The following EVL variants were observed in gnomAD, a reference collection of about 807,000 sequenced individuals.
EVL encodes the protein Enah/Vasp-like.
A neutral mutation model predicts 59.6 loss-of-function variants in EVL; 21 were observed. The observed-to-expected ratio is 0.35, with a 90% CI of 0.25 to 0.51. The LOEUF (loss-of-function observed/expected upper bound fraction) is 0.51. Among genes scored for constraint, EVL ranks in the 20% least tolerant of loss-of-function variants. The pLI is 0.97. For missense variants in EVL, 462 were observed against 546.6 expected (o/e 0.85, Z 1.54); for synonymous variants, 198 against 203.5 (o/e 0.97, Z 0.23).
chr14:100,052,130 T>C (rs757791806), intron 1 of EVL, among the ~76,000 whole-genome samples: 6 of 152,218 alleles, frequency 3.9e-5, no homozygotes, highest in Non-Finnish European at 8.8e-5. Context: ...ACCTATCTGG[T>C]AGTTGGTTTT....
chr14:100,110,947 G>A (rs1008189195), intron 3 of EVL, among the ~76,000 whole-genome samples: 5 of 152,066 alleles, frequency 3.3e-5, no homozygotes, highest in African/African-American at 7.2e-5. Flanking sequence ...CCTTCCTGAC[G>A]CCTCCTGGTA....
intron 1 of EVL, among the ~76,000 whole-genome samples, chr14:100,031,355 T>C (rs2061312227): frequency 6.6e-6 from 1 of 152,232 alleles, no homozygotes; most frequent in Non-Finnish European, 1.5e-5. Context: ...GTTCTAATGA[T>C]GCTGCGTTAG....
chr14:100,098,881 GA>G lies in EVL; in HGVS notation c.358+1225del, dbSNP rs201674878. 4.6e-3 allele frequency among the ~76,000 whole-genome samples: 705 copies of G among 152,084 alleles called. 2 individuals carry two copies. The highest frequency in any genetic ancestry group is 0.016 in the African/African-American group (669 of 41,502). The stretch of plus-strand genomic sequence containing the variant: ...TATAGAGTTGTTTTTACATTTAAAT[GA>G]ACTAGAATGTAAAATGTTTCTCAGG... On this transcript the variant is annotated intron_variant, in intron 3 of 13. Transcript: ENST00000392920.
chr14:100,115,045 CAA>C (rs35310865), intron 3 of EVL, among the ~76,000 whole-genome samples: 6 of 148,872 alleles, frequency 4.0e-5, no homozygotes, highest in South Asian at 2.1e-4. Context: ...AGATTAGTCA[CAA>C]AAAAAAAAAC....
At chr14:100,032,910 CTCTT>C (rs1381322789) in intron 1 of EVL, among the ~76,000 whole-genome samples, 1 of 152,128 alleles carries the variant, frequency 6.6e-6, no homozygotes, top group African/African-American at 2.4e-5. Context: ...CTTCTCAGCA[CTCTT>C]TGTTTATTCA....
intron 3 of EVL, among the ~76,000 whole-genome samples, chr14:100,118,439 T>C (rs73349550): frequency 0.02 from 3,102 of 152,328 alleles, 110 homozygotes; most frequent in African/African-American, 0.065. Flanking sequence ...ACAAGGACCA[T>C]GTATAAGCTC....
intron 3 of EVL, chr14:100,107,002 C>T: frequency 2.5e-6 from 1 of 398,722 alleles, no homozygotes. Context: ...TGGAGCCGGG[C>T]TACGTTGGGT....
At chr14:99,979,875 TAAATAAATAA>T (rs932997178) in intron 1 of EVL, among the ~76,000 whole-genome samples, 1 of 152,132 alleles carries the variant, frequency 6.6e-6, no homozygotes, top group Non-Finnish European at 1.5e-5. Context: ...GTCTCAAAAA[TAAATAAATAA>T]AAATAAATAA....
chr14:100,066,139 G>A (rs1369983740), intron 1 of EVL, among the ~76,000 whole-genome samples: 1 of 152,178 alleles, frequency 6.6e-6, no homozygotes, highest in Non-Finnish European at 1.5e-5. Flanking sequence ...AAAGATTATA[G>A]ATGATAGGAC....
Position 99,973,682 on chromosome 14 carries a change from C to T in EVL, c.5+1625C>T, listed in dbSNP as rs542874087. 2.8e-4 allele frequency among the ~76,000 whole-genome samples: 42 copies of T among 152,276 alleles called. 1 individual carries two copies. Among genetic ancestry groups the T allele is most frequent in the African/African-American group, 9.9e-4 (41 of 41,568 alleles). On this transcript the variant is annotated intron_variant, in intron 1 of 13. Coordinates refer to the EVL transcript ENST00000402714. ...TTCACCATGTTGGCCAGGCGGGTCT[C>T]GAACTCCTGACCTCAGGTGATCAAC...
At chr14:100,068,775 A>T (rs1030867216) in intron 1 of EVL, among the ~76,000 whole-genome samples, 1 of 152,054 alleles carries the variant, frequency 6.6e-6, no homozygotes, top group Non-Finnish European at 1.5e-5. Context: ...TGCTAGCTGG[A>T]AGAATCTGTA....
chr14:100,119,061 T>C (rs1023399841), intron 3 of EVL, among the ~76,000 whole-genome samples: 2 of 152,230 alleles, frequency 1.3e-5, no homozygotes, highest in Admixed American at 1.3e-4. Flanking sequence ...CCCGTCCTGC[T>C]ACCAGTGGTG....
chr14:100,007,823 GAGAA>G (rs1018860470), intron 1 of EVL, among the ~76,000 whole-genome samples: 2 of 152,162 alleles, frequency 1.3e-5, no homozygotes, highest in Non-Finnish European at 2.9e-5. Context: ...GAGAGAGAAA[GAGAA>G]AGAAAGAAAA....
chr14:100,119,509 G>A (rs1007077213), intron 3 of EVL, among the ~76,000 whole-genome samples: 1 of 152,210 alleles, frequency 6.6e-6, no homozygotes, highest in Non-Finnish European at 1.5e-5. Flanking sequence ...GTGAGTGCAC[G>A]CAGCCTGTGG....
At chr14:100,140,913 T>C (rs1889126981) in intron 11 of EVL, 1 of 428,526 alleles carries the variant, frequency 2.3e-6, no homozygotes, top group South Asian at 3.7e-5. Flanking sequence ...ATAAGAGCTC[T>C]CTGATCAGAA....
Position 100,143,961 on chromosome 14 carries a change from C to CT in EVL, c.*229dup. ...GACACGGAACACCAGGTCTGCTCGT[C>CT]TTTTTTGTGTTTTATATTTGCTTAT... On this transcript the variant is annotated 3_prime_UTR_variant, in exon 14 of 14. Transcript: ENST00000392920. 1 of 549,666 alleles carries CT rather than the reference C, an allele frequency of 1.8e-6. No homozygotes were observed. The highest frequency in any genetic ancestry group is 2.8e-4 in the Middle Eastern group (1 of 3,584). 34.0% of individuals were successfully genotyped at this position (549,666 alleles called of 1,614,324 possible).
chr14:100,012,490 G>A (rs1388554081), intron 1 of EVL, among the ~76,000 whole-genome samples: 1 of 152,170 alleles, frequency 6.6e-6, no homozygotes, highest in Non-Finnish European at 1.5e-5. Flanking sequence ...GGTGACACTG[G>A]AGCAGCTGCA....
chr14:100,065,997 G>A (rs2140270874), intron 1 of EVL, among the ~76,000 whole-genome samples: 1 of 152,264 alleles, frequency 6.6e-6, no homozygotes, highest in Non-Finnish European at 1.5e-5. Flanking sequence ...AGAGACTTGT[G>A]GACTTAGGCT....
chr14:100,063,075 G>A (rs373404785), upstream of EVL, among the ~76,000 whole-genome samples: 64 of 152,320 alleles, frequency 4.2e-4, no homozygotes, highest in African/African-American at 1.4e-3. Flanking sequence ...TTCAGCCTGG[G>A]TGACAGCAAG....
Sources: gnomAD v4.1 joint callset for allele counts (sites outside exome capture counted in the v4.1 genomes callset) on GRCh38, gnomAD v4.1.1 for gene constraint, MANE v1.5 for transcripts, NCBI Gene and HGNC (gene_info 2026-07-23, HGNC 2026-07-21) for gene names.